The following SRRM3 variants were observed in gnomAD, a reference collection of about 807,000 sequenced individuals.
The protein encoded by SRRM3 is serine/arginine repetitive matrix protein 3.
A neutral mutation model predicts 66.2 loss-of-function variants in SRRM3; 27 were observed. That is an observed-to-expected ratio of 0.41 (90% confidence interval 0.30 to 0.56). The LOEUF is 0.56. Ranked by LOEUF, SRRM3 falls within the 20% of genes least tolerant of loss-of-function variation. The pLI is 0.32. For missense variants in SRRM3, 918 were observed against 991.9 expected (o/e 0.93, Z 1.00); for synonymous variants, 391 against 414.9 (o/e 0.94, Z 0.70).
chr7:76,249,649 G>A (rs1334583911), intron 3 of SRRM3, among the ~76,000 whole-genome samples: 8 of 152,224 alleles, frequency 5.3e-5, no homozygotes, highest in African/African-American at 1.7e-4. Context: ...TGCCTGGCAG[G>A]CACCGTGTGC....
intron 11 of SRRM3, among the ~76,000 whole-genome samples, chr7:76,275,639 G>A (rs1156279724): frequency 2.0e-5 from 3 of 152,120 alleles, no homozygotes; most frequent in Admixed American, 6.5e-5. Flanking sequence ...CGAGTTGGGT[G>A]GTCATCTAAG....
At chr7:76,214,599 G>C (rs886978458) in intron 1 of SRRM3, among the ~76,000 whole-genome samples, 3 of 151,978 alleles carry the variant, frequency 2.0e-5, no homozygotes, top group Non-Finnish European at 4.4e-5. Flanking sequence ...CAGTTCCAAG[G>C]CCACCAGGAC....
chr7:76,250,930 A>G (rs1801566382), intron 3 of SRRM3, among the ~76,000 whole-genome samples: 1 of 152,140 alleles, frequency 6.6e-6, no homozygotes, highest in African/African-American at 2.4e-5. Context: ...GGCCCCTGGC[A>G]GGCCTGGCAG....
chr7:76,256,945 G>A (rs1202308011), intron 3 of SRRM3, among the ~76,000 whole-genome samples: 6 of 151,992 alleles, frequency 3.9e-5, no homozygotes, highest in Admixed American at 3.9e-4. Flanking sequence ...CCCGACCTCT[G>A]GTGATCCGCC....
At chr7:76,230,916 A>G (rs1554604194) in intron 1 of SRRM3, among the ~76,000 whole-genome samples, 1 of 151,666 alleles carries the variant, frequency 6.6e-6, no homozygotes, top group Non-Finnish European at 1.5e-5. Flanking sequence ...ATGCCTGGCT[A>G]ATTTTTGTAT....
chr7:76,241,983 C>G (rs1583899723), intron 2 of SRRM3, among the ~76,000 whole-genome samples: 1 of 152,108 alleles, frequency 6.6e-6, no homozygotes, highest in Non-Finnish European at 1.5e-5. Flanking sequence ...AGAAGCATGG[C>G]GCTGGCATCC....
intron 3 of SRRM3, among the ~76,000 whole-genome samples, chr7:76,250,977 G>A (rs1554606808): frequency 1.3e-5 from 2 of 152,198 alleles, no homozygotes; most frequent in East Asian, 1.9e-4. Context: ...TGGACCCTTT[G>A]CCTGGACTCC....
intron 3 of SRRM3, among the ~76,000 whole-genome samples, chr7:76,250,745 CAAAT>C: frequency 6.6e-6 from 1 of 152,130 alleles, no homozygotes; most frequent in East Asian, 1.9e-4. Context: ...AAGACTCCAT[CAAAT>C]AAATAAATAA....
At chr7:76,267,574 C>A in intron 11 of SRRM3, 139 bp downstream of exon 11, 1 of 720,492 alleles carries the variant, frequency 1.4e-6, no homozygotes, top group Non-Finnish European at 1.9e-6. Context: ...CCCTCCTCGG[C>A]TCCCCGCTGG....
intron 3 of SRRM3, 72 bp downstream of exon 3, chr7:76,248,361 C>T: frequency 2.5e-6 from 3 of 1,185,016 alleles, no homozygotes; most frequent in Non-Finnish European, 3.7e-6. Flanking sequence ...ACTAAAGGGG[C>T]CTGTCCAGGT....
chr7:76,207,863 C>T (rs1451056585), intron 1 of SRRM3, among the ~76,000 whole-genome samples: 3 of 152,008 alleles, frequency 2.0e-5, no homozygotes, highest in Non-Finnish European at 2.9e-5. Context: ...AGCAACAGAG[C>T]GGGGGACTCT....
rs782061294 is a variant in SRRM3 at position 76,226,443 on chromosome 7, C to T, written c.-39-8585C>T. Among the ~76,000 whole-genome samples, 56 of 152,248 alleles carry T rather than the reference C, an allele frequency of 3.7e-4. 1 individual carries two copies. Among genetic ancestry groups the T allele is most frequent in the Non-Finnish European group, 6.2e-4 (42 of 68,036 alleles). On this transcript the variant is annotated intron_variant, in intron 1 of 14. Coordinates refer to ENST00000611745, the MANE Select transcript of SRRM3 (RefSeq NM_001110199.3). Reference sequence around the variant, plus strand: ...ACATGGGTTTGGCTGGCTCCAGCATCTGGGCTTGCCCTTGGGAGCTGACCC... The same window carrying T: ...ACATGGGTTTGGCTGGCTCCAGCATTTGGGCTTGCCCTTGGGAGCTGACCC...
In SRRM3 at chr7:76,235,312, CG is replaced by C; in HGVS notation, c.233+17del. The C allele has an allele frequency of 9.0e-7, 1 of 1,111,348 alleles. No individual in the cohort carries two copies. The highest frequency in any genetic ancestry group is 1.6e-5 in the South Asian group (1 of 62,972). The allele number at this position is 1,111,348 out of a possible 1,614,324, so 68.8% of individuals were successfully genotyped here. ...TGGAGGAGCAGGGGTGAGCAGGCCG[CG>C]GGGCGGGACTGGGGTGGGGAGATAG... is the stretch of plus-strand genomic sequence containing the variant. On this transcript the variant is annotated intron_variant, in intron 2 of 14. Transcript: ENST00000611745.
intron 2 of SRRM3, among the ~76,000 whole-genome samples, chr7:76,242,976 C>T (rs562462444): frequency 6.6e-6 from 1 of 152,244 alleles, no homozygotes; most frequent in South Asian, 2.1e-4. Flanking sequence ...GTATCAGCAA[C>T]CTCTGTAATA....
intron 1 of SRRM3, among the ~76,000 whole-genome samples, chr7:76,212,206 G>A (rs1337664043): frequency 3.4e-5 from 5 of 147,120 alleles, no homozygotes; most frequent in African/African-American, 1.3e-4. Flanking sequence ...TGTTACTCGG[G>A]TTGGAGTGCA....
chr7:76,248,598 C>T (rs545506313), intron 3 of SRRM3, among the ~76,000 whole-genome samples: 2 of 152,274 alleles, frequency 1.3e-5, no homozygotes, highest in South Asian at 2.1e-4. Context: ...AGCTGCAAAT[C>T]GGAAGACCTC....
intron 6 of SRRM3, 119 bp downstream of exon 6, chr7:76,261,022 G>C: frequency 9.1e-7 from 1 of 1,104,584 alleles, no homozygotes; most frequent in Non-Finnish European, 1.3e-6. Flanking sequence ...CCTGGACACT[G>C]CCAAGGTGCA....
Position 76,282,778 on chromosome 7 carries a change from TC to T in SRRM3, c.1503del (p.Ser502AlafsTer97). The T allele has an allele frequency of 6.8e-7, 1 of 1,465,542 alleles. No individual in the cohort carries two copies. The highest frequency in any genetic ancestry group is 1.3e-5 in the South Asian group (1 of 77,450). 90.8% of individuals were successfully genotyped at this position (1,465,542 alleles called of 1,614,324 possible). A position where few individuals can be genotyped will look rare whatever the true frequency, so the allele number is the denominator to read the frequency against. ...CGGCCCGCACCCCCGCTCCTGGAGC[TC>T]CAGCCGCTCGCCCTCCAAATCTCGC... Reference protein sequence around the residue: ...SPGPHPRSWSSSRSPSKSRSR... With the variant: ...SPGPHPRSWSXSRSPSKSRSR... On this transcript the variant is annotated frameshift_variant, in exon 13 of 15. Coordinates refer to ENST00000611745, the MANE Select transcript of SRRM3 (RefSeq NM_001110199.3). LOFTEE classifies it high-confidence loss of function.
intron 1 of SRRM3, among the ~76,000 whole-genome samples, chr7:76,234,216 T>C (rs1801084333): frequency 6.6e-6 from 1 of 151,884 alleles, no homozygotes. Context: ...TGTGTGTGTG[T>C]GTGTGTGTCT....
Sources: gnomAD v4.1 joint callset for allele counts (sites outside exome capture counted in the v4.1 genomes callset) on GRCh38, gnomAD v4.1.1 for gene constraint, MANE v1.5 for transcripts, NCBI Gene and HGNC (gene_info 2026-07-23, HGNC 2026-07-21) for gene names.